ADCY1: variants seen among roughly 807,000 people sequenced by gnomAD.
ADCY1 encodes adenylate cyclase type 1.
In ADCY1, 28 loss-of-function variants were observed where a neutral mutation model predicts 105.4. The ratio of observed to expected loss-of-function variants is 0.27; its 90% confidence interval spans 0.20 to 0.36. ADCY1 has a LOEUF of 0.36. Among genes scored for constraint, ADCY1 ranks in the 10% least tolerant of loss-of-function variants. ADCY1 has a pLI of 1.00. For synonymous variants in ADCY1, 655 were observed against 623.8 expected, an observed-to-expected ratio of 1.05 and a Z score of -0.75; for missense variants, 977 against 1,434.2, an observed-to-expected ratio of 0.68 and a Z score of 5.15.
chr7:45,628,323 C>T (rs147832383), intron 4 of ADCY1, among the ~76,000 whole-genome samples: 131 of 152,340 alleles, frequency 8.6e-4, no homozygotes, highest in African/African-American at 3.1e-3. Flanking sequence ...TCTCGCTTTC[C>T]CTGCCTGAAG....
At chr7:45,698,163 T>A (rs1784923060) in intron 14 of ADCY1, among the ~76,000 whole-genome samples, 1 of 140,812 alleles carries the variant, frequency 7.1e-6, no homozygotes, top group South Asian at 2.2e-4. Flanking sequence ...ACATACTCTC[T>A]TACACACACA....
intron 8 of ADCY1, among the ~76,000 whole-genome samples, chr7:45,672,850 G>T (rs1784390566): frequency 6.6e-6 from 1 of 152,074 alleles, no homozygotes; most frequent in South Asian, 2.1e-4. Context: ...TATGCTGCAT[G>T]GAAGTGGTGA....
At chr7:45,657,209 C>T (rs558217701) in intron 5 of ADCY1, among the ~76,000 whole-genome samples, 1 of 152,244 alleles carries the variant, frequency 6.6e-6, no homozygotes, top group Non-Finnish European at 1.5e-5. Flanking sequence ...GGCCTAAGGC[C>T]AAGTGTGTGT....
chr7:45,575,200 C>T lies in ADCY1; in HGVS notation c.639+18C>T. 6.4e-7 allele frequency: 1 copy of T among 1,567,022 alleles called. No homozygotes were observed. Among genetic ancestry groups the T allele is most frequent in the Non-Finnish European group, 8.6e-7 (1 of 1,157,972 alleles). On this transcript the variant is annotated intron_variant, in intron 1 of 19. Transcript: ENST00000297323. This position sits in a 1 kb window ranked among gnomAD's most constrained non-coding sequence, Gnocchi z 4.7. ...GGAGGACGGTAAGTGCAGCCGCGCA[C>T]CCCTCATCTGGTCTCGGACACACTT...
Position 45,621,834 on chromosome 7 carries a change from A to T in ADCY1, c.909-798A>T, listed in dbSNP as rs61153245. On this transcript the variant is annotated intron_variant, in intron 3 of 19. Transcript: ENST00000297323. ...GAACAAATGTGAATAAATGATTGGG[A>T]CCCTGTGGAGAGATATCTTAAAGCT... is the stretch of plus-strand genomic sequence containing the variant. 7.8e-3 allele frequency among the ~76,000 whole-genome samples: 1,190 copies of T among 152,338 alleles called. 63 individuals carry two copies. In the East Asian group the frequency reaches 0.12, roughly 16 times the overall value.
Position 45,630,721 on chromosome 7 carries a change from A to C in ADCY1, c.1020+7978A>C, listed in dbSNP as rs147891814. On this transcript the variant is annotated intron_variant, in intron 4 of 19. Coordinates refer to ENST00000297323, the MANE Select transcript of ADCY1 (RefSeq NM_021116.4). ...TTCCTCCTGCCTCATTTTTATAAGGATACAGGTCATTGTATTCAGGGCTTA... is the reference window on the plus strand; with the variant it reads ...TTCCTCCTGCCTCATTTTTATAAGGCTACAGGTCATTGTATTCAGGGCTTA... Among the ~76,000 whole-genome samples, 6 of 152,084 alleles carry C rather than the reference A, an allele frequency of 3.9e-5. No individual in the cohort carries two copies. In the East Asian group the frequency reaches 1.2e-3, roughly 29 times the overall value.
intron 11 of ADCY1, among the ~76,000 whole-genome samples, chr7:45,681,810 A>C (rs1784561117): frequency 6.6e-6 from 1 of 152,186 alleles, no homozygotes; most frequent in South Asian, 2.1e-4. Context: ...GCAGAAGGCC[A>C]TTGTGGCCTG....
Position 45,709,298 on chromosome 7 carries a change from G to A in ADCY1, c.2932+834G>A, listed in dbSNP as rs1785181135. Among the ~76,000 whole-genome samples, 5 of 152,208 alleles carry A rather than the reference G, an allele frequency of 3.3e-5. No individual in the cohort carries two copies. In the South Asian group the frequency reaches 1.0e-3, roughly 31 times the overall value. ...GATGTGCCTGAAAATCAATCTGATG[G>A]TGGGTCGGGGAAATTCTGCTCCTCA... On this transcript the variant is annotated intron_variant, in intron 18 of 19. Coordinates refer to ENST00000297323, the MANE Select transcript of ADCY1 (RefSeq NM_021116.4).
rs1272864983 is a variant in ADCY1 at position 45,647,909 on chromosome 7, A to G, written c.1021-761A>G. Among the ~76,000 whole-genome samples the G allele has an allele frequency of 6.6e-6, 1 of 152,250 alleles. No homozygotes were observed. Among genetic ancestry groups the G allele is most frequent in the African/African-American group, 2.4e-5 (1 of 41,466 alleles). On this transcript the variant is annotated intron_variant, in intron 4 of 19. Transcript: ENST00000297323. The surrounding 1 kb of genome is among the most constrained non-coding windows in gnomAD (Gnocchi z 4.6). ...TGAGTCCTTAGTGATTTCAAGACAT[A>G]AAGGGGTCCTGAAATGGAAATGTTT...
chr7:45,590,011 G>C (rs1792861075), intron 1 of ADCY1, among the ~76,000 whole-genome samples: 1 of 152,170 alleles, frequency 6.6e-6, no homozygotes, highest in Admixed American at 6.5e-5. Context: ...CTAACGAAAA[G>C]AGAGGAGTGG....
intron 4 of ADCY1, among the ~76,000 whole-genome samples, chr7:45,633,412 G>A (rs1794313248): frequency 6.6e-6 from 1 of 152,150 alleles, no homozygotes; most frequent in Non-Finnish European, 1.5e-5. Flanking sequence ...GCGTAGCCTA[G>A]AAATATTGAA....
Position 45,575,249 on chromosome 7 carries a change from C to T in ADCY1, c.639+67C>T, listed in dbSNP as rs529625280. The T allele has an allele frequency of 4.0e-6, 6 of 1,500,850 alleles. No individual in the cohort carries two copies. Among genetic ancestry groups the T allele is most frequent in the Admixed American group, 2.3e-5 (1 of 44,308 alleles). 93.0% of individuals were successfully genotyped at this position (1,500,850 alleles called of 1,614,324 possible). On this transcript the variant is annotated intron_variant, in intron 1 of 19. Coordinates refer to ENST00000297323, the MANE Select transcript of ADCY1 (RefSeq NM_021116.4). This position sits in a 1 kb window ranked among gnomAD's most constrained non-coding sequence, Gnocchi z 4.7. ...TTGCTGGGACGATGCTGGGAATGCC[C>T]GGAGTCGGGCGCGCTTTTTCCTATG...
intron 8 of ADCY1, 86 bp from the exon 9 acceptor site, chr7:45,677,783 G>A (rs868344275): frequency 1.3e-5 from 18 of 1,404,290 alleles, no homozygotes; most frequent in East Asian, 9.2e-5. Context: ...ACCCTGCAGC[G>A]GATCTGGCTG....
intron 4 of ADCY1, among the ~76,000 whole-genome samples, chr7:45,638,919 A>G (rs1794466006): frequency 6.6e-6 from 1 of 152,022 alleles, no homozygotes; most frequent in African/African-American, 2.4e-5. Context: ...TGTATAATTG[A>G]TGGCTGCAAG....
chr7:45,609,662 C>T (rs901945490), intron 2 of ADCY1, among the ~76,000 whole-genome samples: 1 of 152,092 alleles, frequency 6.6e-6, no homozygotes, highest in African/African-American at 2.4e-5. Context: ...GTCTCTCAGA[C>T]GTAGGGGTGT....
chr7:45,611,296 C>T (rs916547217), intron 3 of ADCY1, among the ~76,000 whole-genome samples: 3 of 151,882 alleles, frequency 2.0e-5, no homozygotes, highest in African/African-American at 4.8e-5. Context: ...ACAGGTCCTA[C>T]GTGTAGGGGG....
intron 2 of ADCY1, among the ~76,000 whole-genome samples, chr7:45,609,843 C>T (rs762914903): frequency 6.6e-6 from 1 of 152,136 alleles, no homozygotes; most frequent in African/African-American, 2.4e-5. Context: ...AACATTTATT[C>T]TTTTCTCTTG....
In ADCY1 at chr7:45,716,066, G is replaced by A. The variant is rs960347840; in HGVS notation, c.*2071G>A. On this transcript the variant is annotated 3_prime_UTR_variant, in exon 20 of 20. Transcript: ENST00000297323. ...AGCTCGGGCACCTTTCATCTTCCTT[G>A]GGTGGTCCTCATGTCGCTGTCCGCT... 1.3e-5 allele frequency: 2 copies of A among 152,806 alleles called. No homozygotes were observed. Among genetic ancestry groups the A allele is most frequent in the African/African-American group, 4.8e-5 (2 of 41,448 alleles). The allele number at this position is 152,806 out of a possible 1,614,324, so 9.5% of individuals were successfully genotyped here. A position where few individuals can be genotyped will look rare whatever the true frequency, so the allele number is the denominator to read the frequency against.
At position 45,717,278 on chromosome 7, in the gene ADCY1, G is replaced by A. The variant is rs1785376464; in HGVS notation, c.*3283G>A. The stretch of plus-strand genomic sequence containing the variant: ...AAGGACCCCATGGCAGACTTGGCAA[G>A]GTCTCCACTTCAGGGGCAAACATCT... On this transcript the variant is annotated 3_prime_UTR_variant, in exon 20 of 20. Coordinates refer to ENST00000297323, the MANE Select transcript of ADCY1 (RefSeq NM_021116.4). 6.6e-6 allele frequency: 1 copy of A among 152,252 alleles called. No homozygotes were observed. The highest frequency in any genetic ancestry group is 2.1e-4 in the South Asian group (1 of 4,820). The allele number at this position is 152,252 out of a possible 1,614,324, so 9.4% of individuals were successfully genotyped here.
Sources: allele counts gnomAD v4.1 joint callset (sites outside exome capture counted in the v4.1 genomes callset), GRCh38; gene constraint gnomAD v4.1.1; non-coding constraint Gnocchi (gnomAD v3.1); transcripts MANE v1.5; gene names NCBI Gene and HGNC (gene_info 2026-07-23, HGNC 2026-07-21).